C8orf34: variants seen among roughly 807,000 people sequenced by gnomAD.
C8orf34 encodes the protein chromosome 8 open reading frame 34.
In C8orf34, 65 loss-of-function variants were observed where a neutral mutation model predicts 68.3. The observed-to-expected ratio is 0.95, with a 90% CI of 0.78 to 1.17. C8orf34 has a LOEUF of 1.17. Among genes scored for constraint, C8orf34 ranks in the 50% most tolerant of loss-of-function variants. The probability of loss-of-function intolerance (pLI) is 0.00; values close to 1 mark genes in which losing one functional copy is unlikely to be tolerated. For synonymous variants in C8orf34, 244 were observed against 241.2 expected (o/e 1.01, Z -0.11); for missense variants, 664 against 655.4 (o/e 1.01, Z -0.14).
Position 68,500,674 on chromosome 8 carries a change from A to C in C8orf34, c.765+12623A>C, listed in dbSNP as rs1288909568. On this transcript the variant is annotated intron_variant, in intron 5 of 13. Coordinates refer to ENST00000518698, the MANE Select transcript of C8orf34 (RefSeq NM_052958.4). ...CACCCAGCCCTCAACACACACACAC[A>C]GATGAGAGAGAAAAAAATGGTAGGG... Among the ~76,000 whole-genome samples the C allele has an allele frequency of 4.6e-5, 7 of 152,172 alleles. No individual in the cohort carries two copies. In the East Asian group the frequency reaches 9.6e-4, roughly 21 times the overall value.
intron 5 of C8orf34, among the ~76,000 whole-genome samples, chr8:68,520,617 ATT>A (rs34335751): frequency 0.015 from 1,984 of 134,190 alleles, 46 homozygotes; most frequent in African/African-American, 0.049. Flanking sequence ...CGCCCGGCTA[ATT>A]TTTTTTTTTT....
intron 10 of C8orf34, among the ~76,000 whole-genome samples, chr8:68,749,402 A>T (rs1392361591): frequency 6.6e-6 from 1 of 152,154 alleles, no homozygotes; most frequent in Non-Finnish European, 1.5e-5. Flanking sequence ...AAAAAAAGAC[A>T]GAAAGAAACA....
At chr8:68,396,669 T>TGA (rs1416742466) in intron 1 of C8orf34, among the ~76,000 whole-genome samples, 2 of 131,398 alleles carry the variant, frequency 1.5e-5, no homozygotes, top group Non-Finnish European at 3.0e-5. Flanking sequence ...CTTCCAGTAA[T>TGA]GAGTGAATTC....
chr8:68,695,267 C>T (rs757895378), intron 8 of C8orf34, among the ~76,000 whole-genome samples: 2 of 151,938 alleles, frequency 1.3e-5, no homozygotes, highest in Admixed American at 6.6e-5. Flanking sequence ...CTGCCTCAAC[C>T]TACCCGAGTA....
At chr8:68,517,526 A>T (rs1814571326) in intron 5 of C8orf34, among the ~76,000 whole-genome samples, 1 of 152,068 alleles carries the variant, frequency 6.6e-6, no homozygotes, top group South Asian at 2.1e-4. Context: ...CTTGTCAGCT[A>T]TTTCTCACTA....
intron 4 of C8orf34, among the ~76,000 whole-genome samples, chr8:68,474,627 T>C (rs1367918240): frequency 2.0e-5 from 3 of 152,306 alleles, no homozygotes; most frequent in East Asian, 1.9e-4. Flanking sequence ...TCTCTGTGGC[T>C]TGATACAACG....
At chr8:68,393,856 C>T (rs1370417391) in intron 1 of C8orf34, among the ~76,000 whole-genome samples, 1 of 152,026 alleles carries the variant, frequency 6.6e-6, no homozygotes, top group Admixed American at 6.6e-5. Flanking sequence ...TGGAGAGAAA[C>T]AAGGTTGACG....
chr8:68,710,134 C>T (rs559835055), intron 9 of C8orf34, among the ~76,000 whole-genome samples: 25 of 152,182 alleles, frequency 1.6e-4, no homozygotes, highest in African/African-American at 2.2e-4. Flanking sequence ...GACTAGATTG[C>T]GGCTCCCACT....
chr8:68,756,770 A>G (rs1822874846), intron 10 of C8orf34, among the ~76,000 whole-genome samples: 1 of 152,210 alleles, frequency 6.6e-6, no homozygotes, highest in African/African-American at 2.4e-5. Flanking sequence ...CAAAAACTGT[A>G]TCAGTAAATA....
chr8:68,659,157 C>T (rs1413180191), intron 8 of C8orf34, among the ~76,000 whole-genome samples: 1 of 152,036 alleles, frequency 6.6e-6, no homozygotes, highest in East Asian at 1.9e-4. Context: ...TATTGGAGAC[C>T]TGAAAGTCCC....
chr8:68,615,812 G>T (rs965696198), intron 7 of C8orf34, among the ~76,000 whole-genome samples: 4 of 152,086 alleles, frequency 2.6e-5, no homozygotes, highest in African/African-American at 9.7e-5. Context: ...CATAAAATGA[G>T]TTAGGGAGGA....
chr8:68,672,838 A>G (rs1449092800), intron 8 of C8orf34, among the ~76,000 whole-genome samples: 1 of 152,192 alleles, frequency 6.6e-6, no homozygotes, highest in Non-Finnish European at 1.5e-5. Flanking sequence ...CAAGCAGTGC[A>G]GCTTGCAGCT....
At chr8:68,355,665 C>A (rs1806714750) in intron 1 of C8orf34, among the ~76,000 whole-genome samples, 1 of 152,058 alleles carries the variant, frequency 6.6e-6, no homozygotes, top group Non-Finnish European at 1.5e-5. Flanking sequence ...GCTCTGGTAT[C>A]TATAGAAAAG....
At chr8:68,642,485 C>T (rs1819041022) in intron 8 of C8orf34, among the ~76,000 whole-genome samples, 1 of 152,044 alleles carries the variant, frequency 6.6e-6, no homozygotes, top group Non-Finnish European at 1.5e-5. Context: ...ATTAGTCTAC[C>T]ACTGTTTTAT....
chr8:68,782,594 G>A (rs1823711896), intron 11 of C8orf34, among the ~76,000 whole-genome samples: 1 of 152,082 alleles, frequency 6.6e-6, no homozygotes, highest in Non-Finnish European at 1.5e-5. Flanking sequence ...ACTTTAGCAT[G>A]CCTTGGATTC....
intron 4 of C8orf34, among the ~76,000 whole-genome samples, chr8:68,472,254 A>G (rs1517112): frequency 0.48 from 72,973 of 151,860 alleles, 18,016 homozygotes; most frequent in East Asian, 0.69. Flanking sequence ...GCATTTCTAT[A>G]CTTTCCTCAA....
chr8:68,381,128 T>C (rs1808012259), intron 1 of C8orf34, among the ~76,000 whole-genome samples: 2 of 152,210 alleles, frequency 1.3e-5, no homozygotes, highest in African/African-American at 4.8e-5. Flanking sequence ...TATTTTTTCA[T>C]GAATATTTTA....
chr8:68,628,910 A>G (rs1818612364), intron 7 of C8orf34, among the ~76,000 whole-genome samples: 1 of 152,134 alleles, frequency 6.6e-6, no homozygotes, highest in South Asian at 2.1e-4. Context: ...GTTATTTGCT[A>G]TTGTGTAAAG....
intron 7 of C8orf34, among the ~76,000 whole-genome samples, chr8:68,628,809 A>G (rs1818610545): frequency 6.6e-6 from 1 of 152,214 alleles, no homozygotes; most frequent in Admixed American, 6.5e-5. Context: ...CATGGATTAC[A>G]TTTGAATGAA....
Sources: allele counts gnomAD v4.1 joint callset (sites outside exome capture counted in the v4.1 genomes callset), GRCh38; gene constraint gnomAD v4.1.1; transcripts MANE v1.5; gene names NCBI Gene and HGNC (gene_info 2026-07-23, HGNC 2026-07-21).